The following ECPAS variants were observed in gnomAD, a reference collection of about 807,000 sequenced individuals.
The protein encoded by ECPAS is proteasome adapter and scaffold protein ECM29.
In ECPAS, 70 loss-of-function variants were observed where a neutral mutation model predicts 255.1. That is an observed-to-expected ratio of 0.27 (90% CI 0.23 to 0.33). The LOEUF is 0.33. Among genes scored for constraint, ECPAS ranks in the 10% least tolerant of loss-of-function variants. The pLI is 1.00. For missense variants in ECPAS, 1,817 were observed against 2,206.4 expected, an observed-to-expected ratio of 0.82 and a Z score of 3.54; for synonymous variants, 784 against 775.0, an observed-to-expected ratio of 1.01 and a Z score of -0.19.
intron 28 of ECPAS, 121 bp downstream of exon 28, chr9:111,392,647 C>T (rs2131616285): frequency 1.6e-6 from 1 of 640,870 alleles, no homozygotes; most frequent in Non-Finnish European, 2.7e-6. Context: ...GGACTCGCAA[C>T]TTAGAAAAGG....
chr9:111,371,615 C>T lies in ECPAS; in HGVS notation c.4737+6G>A, dbSNP rs767072601. 3.7e-6 allele frequency: 6 copies of T among 1,612,376 alleles called. No homozygotes were observed. The highest frequency in any genetic ancestry group is 5.1e-6 in the Non-Finnish European group (6 of 1,178,926). ...CCCTTTAACTGGGTATGAATGGTTC[C>T]TTTACCTTTCCTGCCCACGTTCTTC... On this transcript the variant is annotated splice_donor_region_variant and intron_variant, in intron 43 of 49. Coordinates refer to ENST00000684092, the MANE Select transcript of ECPAS (RefSeq NM_001364929.1).
chr9:111,450,724 T>C (rs2098259206), intron 3 of ECPAS, among the ~76,000 whole-genome samples: 1 of 152,180 alleles, frequency 6.6e-6, no homozygotes, highest in African/African-American at 2.4e-5. Context: ...GCTCAGGAGT[T>C]TGAGACCAGC....
At chr9:111,372,052 T>A (rs2098128001) in intron 42 of ECPAS, among the ~76,000 whole-genome samples, 1 of 152,174 alleles carries the variant, frequency 6.6e-6, no homozygotes, top group African/African-American at 2.4e-5. Flanking sequence ...ATCACACAAA[T>A]GGGCATCATC....
chr9:111,449,125 T>A (rs1332898845), intron 3 of ECPAS, among the ~76,000 whole-genome samples: 1 of 152,156 alleles, frequency 6.6e-6, no homozygotes, highest in Non-Finnish European at 1.5e-5. Flanking sequence ...CTCATGAGGA[T>A]GTAAGTCCTT....
intron 4 of ECPAS, 84 bp from the exon 5 acceptor site, chr9:111,442,508 G>A (rs2098247278): frequency 2.3e-6 from 2 of 869,352 alleles, no homozygotes; most frequent in Non-Finnish European, 3.6e-6. Context: ...AACTTAGAGA[G>A]TTATGGTTAC....
rs201456238 is a variant in ECPAS, at chr9:111,425,399, TAA to T, written c.1215+17_1215+18del. 8.5e-3 allele frequency: 12,744 copies of T among 1,499,100 alleles called. 918 individuals carry two copies. The African/African-American group carries it at 0.16, about 18-fold the overall frequency. The allele number at this position is 1,499,100 out of a possible 1,614,324, so 92.9% of individuals were successfully genotyped here. On this transcript the variant is annotated intron_variant, in intron 12 of 49. Transcript: ENST00000684092. ...TAAGATATAAAATGTTGATAAAATTTAAAAGACAAGTCACTTACCTCTTTGTA... is the reference window on the plus strand; with the variant it reads ...TAAGATATAAAATGTTGATAAAATTTAAGACAAGTCACTTACCTCTTTGTA...
intron 2 of ECPAS, among the ~76,000 whole-genome samples, chr9:111,457,685 T>C (rs1018938566): frequency 1.5e-4 from 23 of 151,884 alleles, no homozygotes; most frequent in Non-Finnish European, 2.9e-5. Context: ...TGCCCCAGAG[T>C]GAAGAAGAGA....
chr9:111,391,388 A>C (rs1022487448), intron 29 of ECPAS, among the ~76,000 whole-genome samples: 4 of 151,804 alleles, frequency 2.6e-5, no homozygotes, highest in African/African-American at 9.7e-5. Flanking sequence ...CACCAGCCTG[A>C]CCAACATAGT....
intron 24 of ECPAS, among the ~76,000 whole-genome samples, chr9:111,402,972 G>C (rs1007029525): frequency 2.6e-5 from 4 of 152,052 alleles, no homozygotes; most frequent in African/African-American, 9.7e-5. Context: ...ATAATAAACT[G>C]ACTGTTGATG....
At chr9:111,391,095 C>T (rs1400373094) in intron 29 of ECPAS, among the ~76,000 whole-genome samples, 2 of 152,152 alleles carry the variant, frequency 1.3e-5, no homozygotes, top group Admixed American at 6.5e-5. Flanking sequence ...TCCGAAAGGC[C>T]ACCTGTGCCA....
intron 46 of ECPAS, among the ~76,000 whole-genome samples, chr9:111,368,338 T>C (rs758026878): frequency 1.3e-5 from 2 of 152,224 alleles, no homozygotes; most frequent in Non-Finnish European, 2.9e-5. Flanking sequence ...AGTTGCTTAC[T>C]GAACACTTGG....
chr9:111,477,735 T>C (rs1226759860), intron 1 of ECPAS, among the ~76,000 whole-genome samples: 1 of 152,154 alleles, frequency 6.6e-6, no homozygotes, highest in African/African-American at 2.4e-5. Context: ...ATTCAATTAG[T>C]TGATACATGC....
At position 111,484,280 on chromosome 9, in the gene ECPAS, C is replaced by T; in HGVS notation, c.-247G>A. ...GGCTGCCCTAGCGGCCGGGGGAAAT[C>T]CTCGAGGCGGGGCCGGAGCGCCCTT... On this transcript the variant is annotated 5_prime_UTR_variant, in exon 1 of 50. Coordinates refer to ENST00000684092, the MANE Select transcript of ECPAS (RefSeq NM_001364929.1). The T allele has an allele frequency of 6.5e-7, 1 of 1,531,226 alleles. No homozygotes were observed. The highest frequency in any genetic ancestry group is 8.7e-7 in the Non-Finnish European group (1 of 1,143,136). 94.9% of individuals were successfully genotyped at this position (1,531,226 alleles called of 1,614,324 possible).
chr9:111,379,337 T>A (rs2098137700), intron 35 of ECPAS, among the ~76,000 whole-genome samples: 2 of 152,270 alleles, frequency 1.3e-5, no homozygotes, highest in South Asian at 4.1e-4. Flanking sequence ...TTGTTTACAC[T>A]ATATTGTAGT....
chr9:111,481,709 G>C (rs1012918781), intron 1 of ECPAS, among the ~76,000 whole-genome samples: 1 of 152,170 alleles, frequency 6.6e-6, no homozygotes, highest in Admixed American at 6.5e-5. Context: ...AGTGTCCATA[G>C]ACAGATAGAT....
chr9:111,457,242 T>C (rs759020694), intron 2 of ECPAS, among the ~76,000 whole-genome samples: 14 of 152,118 alleles, frequency 9.2e-5, no homozygotes, highest in Non-Finnish European at 1.3e-4. Context: ...ATGTGAGGAA[T>C]ACAGTAAATG....
At chr9:111,450,075 C>A (rs1394461987) in intron 3 of ECPAS, among the ~76,000 whole-genome samples, 1 of 152,134 alleles carries the variant, frequency 6.6e-6, no homozygotes, top group Non-Finnish European at 1.5e-5. Context: ...CAAATTTCAA[C>A]TATGTACTAT....
intron 15 of ECPAS, 112 bp from the exon 16 acceptor site, chr9:111,420,232 C>A: frequency 3.1e-6 from 2 of 648,948 alleles, no homozygotes; most frequent in Non-Finnish European, 5.4e-6. Context: ...GTAAACAATT[C>A]AAAATTCTAA....
At chr9:111,377,898 G>A (rs1196836112) in intron 36 of ECPAS, among the ~76,000 whole-genome samples, 2 of 152,204 alleles carry the variant, frequency 1.3e-5, no homozygotes, top group South Asian at 4.1e-4. Flanking sequence ...TGTAATCCCA[G>A]CACTTTGGGA....
Sources: gnomAD v4.1 joint callset for allele counts (sites outside exome capture counted in the v4.1 genomes callset) on GRCh38, gnomAD v4.1.1 for gene constraint, MANE v1.5 for transcripts, NCBI Gene and HGNC (gene_info 2026-07-23, HGNC 2026-07-21) for gene names.